The following CCDC7 variants were observed in gnomAD, a reference collection of about 807,000 sequenced individuals.
CCDC7 encodes the protein coiled-coil domain-containing protein 7.
In CCDC7, 183 loss-of-function variants were observed where a neutral mutation model predicts 196.9. The observed-to-expected ratio is 0.93, with a 90% CI of 0.82 to 1.05. The LOEUF is 1.05. CCDC7 is among the 50% of genes least tolerant of loss of function. The pLI is 0.00. For synonymous variants in CCDC7, 525 were observed against 484.6 expected, an observed-to-expected ratio of 1.08 and a Z score of -1.10; for missense variants, 1,540 against 1,482.2, an observed-to-expected ratio of 1.04 and a Z score of -0.64.
At chr10:32,578,603 A>G (rs1054509318) in intron 16 of CCDC7, among the ~76,000 whole-genome samples, 5 of 151,520 alleles carry the variant, frequency 3.3e-5, no homozygotes, top group African/African-American at 9.7e-5. Flanking sequence ...TTGTGCTTCT[A>G]TGAGAAACTA....
chr10:32,584,959 T>G (rs1266008196), intron 18 of CCDC7, among the ~76,000 whole-genome samples: 2 of 152,140 alleles, frequency 1.3e-5, no homozygotes, highest in Non-Finnish European at 2.9e-5. Context: ...TGTAATATTT[T>G]TGCTAGGTTA....
At chr10:32,474,210 CTTTTTTTTT>C (rs71027095) in intron 8 of CCDC7, among the ~76,000 whole-genome samples, 187 bp downstream of exon 9, 14 of 58,958 alleles carry the variant, frequency 2.4e-4, no homozygotes, top group Non-Finnish European at 3.4e-4. Context: ...AAACTAGATT[CTTTTTTTTT>C]TTTTTTTTTT....
At position 32,488,262 on chromosome 10, in the gene CCDC7, G is replaced by A. The variant is rs571275060; in HGVS notation, c.797-3660G>A. On this transcript the variant is annotated intron_variant, in intron 8 of 41. Coordinates refer to ENST00000639629, the Ensembl canonical transcript of CCDC7. Reference sequence around the variant, plus strand: ...CTGTGCTAGCAATGAGTGAGGCTCCGTGGGCGCAGGACCCTCCAAGCCAGG... The same window carrying A: ...CTGTGCTAGCAATGAGTGAGGCTCCATGGGCGCAGGACCCTCCAAGCCAGG... 2.1e-4 allele frequency among the ~76,000 whole-genome samples: 32 copies of A among 152,326 alleles called. No homozygotes were observed. In the South Asian group the frequency reaches 5.6e-3, roughly 27 times the overall value.
chr10:32,623,588 C>A (rs1292155054), intron 18 of CCDC7: 13 of 375,616 alleles, frequency 3.5e-5, no homozygotes. Context: ...CCTTAGTTGC[C>A]TTACCTCAAT....
At chr10:32,471,201 C>T (rs1277177468) in exon 6 of CCDC7, 2 of 1,609,364 alleles carry the variant, frequency 1.2e-6, no homozygotes, top group East Asian at 2.2e-5. Flanking sequence ...GGTCTAAATC[C>T]TCCGTGAAAG....
At chr10:32,729,445 A>G (rs1237359743) in exon 28 of CCDC7, 2 of 1,253,658 alleles carry the variant, frequency 1.6e-6, no homozygotes, top group Non-Finnish European at 2.3e-6. Flanking sequence ...AGCTAAAGTA[A>G]CTTCAAGAAA....
chr10:32,686,831 ACATC>A (rs925080642), intron 22 of CCDC7, among the ~76,000 whole-genome samples: 17 of 152,226 alleles, frequency 1.1e-4, no homozygotes, highest in Non-Finnish European at 2.9e-5. Context: ...GGCCAATACA[ACATC>A]CAGTCCTTGC....
chr10:32,714,193 G>A (rs2081251839), intron 25 of CCDC7, among the ~76,000 whole-genome samples: 3 of 152,160 alleles, frequency 2.0e-5, no homozygotes, highest in Admixed American at 6.5e-5. Context: ...ATTTCTAACT[G>A]AGGTACTCGG....
intron 8 of CCDC7, among the ~76,000 whole-genome samples, chr10:32,482,748 G>GT (rs1206843718): frequency 6.6e-6 from 1 of 152,090 alleles, no homozygotes; most frequent in Non-Finnish European, 1.5e-5. Context: ...GACATGCGGT[G>GT]TTTGGTTTTT....
At chr10:32,628,262 T>C (rs976893660) in intron 18 of CCDC7, among the ~76,000 whole-genome samples, 3 of 151,990 alleles carry the variant, frequency 2.0e-5, no homozygotes, top group Non-Finnish European at 4.4e-5. Context: ...TGGTTGTATG[T>C]TTCTAGGAGT....
At chr10:32,634,232 C>G in intron 18 of CCDC7, 22 bp from the exon 20 acceptor site, 2 of 1,057,588 alleles carry the variant, frequency 1.9e-6, no homozygotes, top group Non-Finnish European at 2.4e-6. Flanking sequence ...ATTTGGTAGA[C>G]TAAATGAATC....
chr10:32,670,092 G>A (rs931451619), intron 21 of CCDC7, among the ~76,000 whole-genome samples: 12 of 152,036 alleles, frequency 7.9e-5, no homozygotes, highest in African/African-American at 2.4e-4. Flanking sequence ...CCTTTCCTGG[G>A]TTGTCCTGGG....
At chr10:32,876,506 C>A, downstream of CCDC7, 1 of 1,028,340 alleles carries the variant, frequency 9.7e-7, no homozygotes, top group Non-Finnish European at 1.5e-6. Flanking sequence ...GTGGATGGTG[C>A]TTATTGAAAA....
At chr10:32,551,871 T>C (rs543585337) in intron 13 of CCDC7, among the ~76,000 whole-genome samples, 47 of 152,314 alleles carry the variant, frequency 3.1e-4, no homozygotes, top group African/African-American at 1.1e-3. Context: ...ATGTGTATTC[T>C]GTGGTTGTTG....
chr10:32,593,118 C>T (rs557704348), intron 18 of CCDC7, among the ~76,000 whole-genome samples: 23 of 152,308 alleles, frequency 1.5e-4, no homozygotes, highest in Non-Finnish European at 2.4e-4. Flanking sequence ...CTTGAAGAAT[C>T]GCCACACTGT....
chr10:32,856,568 G>A (rs908536978), intron 41 of CCDC7, among the ~76,000 whole-genome samples: 1 of 152,076 alleles, frequency 6.6e-6, no homozygotes, highest in Non-Finnish European at 1.5e-5. Context: ...ACACCCCCCA[G>A]GGCCAAAGCC....
intron 41 of CCDC7, among the ~76,000 whole-genome samples, chr10:32,865,063 TA>T (rs548810601): frequency 4.1e-4 from 63 of 151,924 alleles, no homozygotes; most frequent in Middle Eastern, 6.8e-3. Flanking sequence ...TGATGGGAAA[TA>T]AATTAGTAAC....
chr10:32,565,754 T>C, intron 14 of CCDC7, 134 bp downstream of exon 15: 2 of 779,984 alleles, frequency 2.6e-6, no homozygotes, highest in East Asian at 2.9e-5. Flanking sequence ...GTTTAAACTA[T>C]ATTCATTTTA....
chr10:32,667,912 A>T (rs994160512), intron 21 of CCDC7, among the ~76,000 whole-genome samples: 1 of 152,044 alleles, frequency 6.6e-6, no homozygotes, highest in Non-Finnish European at 1.5e-5. Context: ...GAAGAAAGTC[A>T]CTGGTAGCTT....
Sources: gnomAD v4.1 joint callset for allele counts (sites outside exome capture counted in the v4.1 genomes callset) on GRCh38, gnomAD v4.1.1 for gene constraint, MANE v1.5 for transcripts, NCBI Gene and HGNC (gene_info 2026-07-23, HGNC 2026-07-21) for gene names.